PLAAT4: variants seen among roughly 807,000 people sequenced by gnomAD.
The protein encoded by PLAAT4 is HRAS-like suppressor 4.
A neutral mutation model predicts 14.1 loss-of-function variants in PLAAT4; 12 were observed. The ratio of observed to expected loss-of-function variants is 0.85; its 90% CI spans 0.54 to 1.37. PLAAT4 has a LOEUF of 1.37. Among genes scored for constraint, PLAAT4 ranks in the 40% most tolerant of loss-of-function variants. PLAAT4 has a pLI of 0.00. For synonymous variants in PLAAT4, 77 were observed against 79.8 expected (o/e 0.96, Z 0.19); for missense variants, 163 against 211.7 (o/e 0.77, Z 1.43).
chr11:63,544,003 T>G (rs2134359368), intron 2 of PLAAT4, among the ~76,000 whole-genome samples: 1 of 152,294 alleles, frequency 6.6e-6, no homozygotes, highest in South Asian at 2.1e-4. Flanking sequence ...GATGATAATA[T>G]TTTCCTTGAA....
chr11:63,541,211 A>C (rs954708076), intron 2 of PLAAT4, among the ~76,000 whole-genome samples: 5 of 118,006 alleles, frequency 4.2e-5, no homozygotes, highest in Non-Finnish European at 7.3e-5. Flanking sequence ...TTTTTTTTTT[A>C]AGACAGAGTC....
chr11:63,545,933 T>G (rs2017361327), intron 3 of PLAAT4, among the ~76,000 whole-genome samples: 1 of 151,542 alleles, frequency 6.6e-6, no homozygotes, highest in South Asian at 2.1e-4. Flanking sequence ...CACCAAGAAG[T>G]GGTCACAGCC....
At chr11:63,539,720 G>A in intron 2 of PLAAT4, 96 bp downstream of exon 2, 1 of 905,040 alleles carries the variant, frequency 1.1e-6, no homozygotes, top group Non-Finnish European at 1.6e-6. Context: ...CCAGCACTTT[G>A]AGAGGCCGAG....
intron 2 of PLAAT4, among the ~76,000 whole-genome samples, chr11:63,543,570 G>T (rs1043142196): frequency 5.3e-5 from 8 of 152,228 alleles, no homozygotes; most frequent in Non-Finnish European, 1.2e-4. Flanking sequence ...CTCCCAAAGT[G>T]CTGGGATTAC....
intron 3 of PLAAT4, 93 bp downstream of exon 3, chr11:63,544,982 C>A: frequency 6.4e-7 from 1 of 1,567,174 alleles, no homozygotes; most frequent in Non-Finnish European, 8.8e-7. Context: ...GATGCAAATG[C>A]AGCCTCTTAG....
In PLAAT4 at chr11:63,541,018, T is replaced by G. The variant is rs546814319; in HGVS notation, c.118+1394T>G. 4.5e-4 allele frequency among the ~76,000 whole-genome samples: 68 copies of G among 152,308 alleles called. No individual in the cohort carries two copies. The South Asian group carries it at 0.014, about 31-fold the overall frequency. Reference sequence around the variant, plus strand: ...ACTATCAGGGCAAGACATTTGCATCTTATCAGTTTTCTCCAAGCCATCATC... The same window carrying G: ...ACTATCAGGGCAAGACATTTGCATCGTATCAGTTTTCTCCAAGCCATCATC... On this transcript the variant is annotated intron_variant, in intron 2 of 3. Transcript: ENST00000255688.
chr11:63,543,987 A>T (rs1304540894), intron 2 of PLAAT4, among the ~76,000 whole-genome samples: 1 of 152,202 alleles, frequency 6.6e-6, no homozygotes, highest in Non-Finnish European at 1.5e-5. Context: ...TTGGTTTTTA[A>T]ATTGAGATGA....
At chr11:63,538,918 T>G (rs1181570873) in intron 1 of PLAAT4, among the ~76,000 whole-genome samples, 1 of 152,146 alleles carries the variant, frequency 6.6e-6, no homozygotes, top group Non-Finnish European at 1.5e-5. Flanking sequence ...CCCTCAGTGC[T>G]GGGAGCTGGG....
intron 3 of PLAAT4, 144 bp from the exon 4 acceptor site, chr11:63,546,005 C>A (rs1418896615): frequency 2.8e-6 from 2 of 724,090 alleles, no homozygotes; most frequent in Admixed American, 2.3e-5. Flanking sequence ...TCTGAGCCAG[C>A]CAGCTGGGAG....
chr11:63,542,941 G>A (rs1327982104), intron 2 of PLAAT4, among the ~76,000 whole-genome samples: 1 of 152,160 alleles, frequency 6.6e-6, no homozygotes, highest in Non-Finnish European at 1.5e-5. Flanking sequence ...GGGGAAACCT[G>A]ATAATGAATT....
chr11:63,541,833 A>G (rs1447927982), intron 2 of PLAAT4, among the ~76,000 whole-genome samples: 4 of 152,174 alleles, frequency 2.6e-5, no homozygotes, highest in Admixed American at 6.5e-5. Context: ...TTTAGCACAT[A>G]TATCCAATTA....
intron 1 of PLAAT4, among the ~76,000 whole-genome samples, chr11:63,538,810 G>A (rs1380486690): frequency 1.3e-5 from 2 of 152,146 alleles, no homozygotes; most frequent in Non-Finnish European, 2.9e-5. Context: ...TTCCCCATCT[G>A]TGCAATGGGA....
At chr11:63,542,853 A>T (rs1252182338) in intron 2 of PLAAT4, among the ~76,000 whole-genome samples, 1 of 152,210 alleles carries the variant, frequency 6.6e-6, no homozygotes, top group Non-Finnish European at 1.5e-5. Flanking sequence ...ACAAGATCTA[A>T]CACTAAGCTT....
At chr11:63,541,909 C>T (rs2134357921) in intron 2 of PLAAT4, among the ~76,000 whole-genome samples, 1 of 152,198 alleles carries the variant, frequency 6.6e-6, no homozygotes, top group African/African-American at 2.4e-5. Context: ...ACAAAAAACA[C>T]ATTATGAATA....
intron 1 of PLAAT4, 95 bp from the exon 2 acceptor site, chr11:63,539,421 C>T (rs2017302568): frequency 2.0e-6 from 2 of 981,122 alleles, no homozygotes; most frequent in Non-Finnish European, 3.3e-6. Flanking sequence ...TGAACATCAG[C>T]AAGGCGTCTC....
intron 2 of PLAAT4, among the ~76,000 whole-genome samples, chr11:63,542,070 A>T (rs1223243307): frequency 2.0e-5 from 3 of 151,960 alleles, no homozygotes; most frequent in African/African-American, 7.3e-5. Context: ...AAAGCTCCTG[A>T]CTCCTTTTAA....
intron 2 of PLAAT4, 145 bp from the exon 3 acceptor site, chr11:63,544,476 T>G: frequency 9.4e-7 from 1 of 1,058,800 alleles, no homozygotes; most frequent in Non-Finnish European, 1.4e-6. Context: ...TGAGACTCCA[T>G]CAAAATAAAA....
At position 63,539,557 on chromosome 11, in the gene PLAAT4, C is replaced by A. The variant is rs1590663198; in HGVS notation, c.51C>A (p.Phe17Leu). The part of the protein sequence containing the change: ...EPKPGDLIEI[F>L]RLGYEHWALY... ...AACCTGGAGACCTGATTGAGATTTT[C>A]CGCCTTGGCTATGAGCACTGGGCCC... The change falls in exon 2 of 4, where the codon TTC (phenylalanine) becomes TTA (leucine). Residue 17 changes from phenylalanine (F) to leucine (L), a missense_variant. Coordinates refer to ENST00000255688, the MANE Select transcript of PLAAT4 (RefSeq NM_004585.5). The A allele has an allele frequency of 6.2e-7, 1 of 1,614,138 alleles. No homozygotes were observed. Among genetic ancestry groups the A allele is most frequent in the South Asian group, 1.1e-5 (1 of 91,086 alleles).
chr11:63,544,660 T>C lies in PLAAT4; in HGVS notation c.158T>C (p.Val53Ala). The C allele has an allele frequency of 6.2e-7, 1 of 1,614,134 alleles. No homozygotes were observed. Among genetic ancestry groups the C allele is most frequent in the East Asian group, 2.2e-5 (1 of 44,878 alleles). Residue 53 changes from valine to alanine, a missense_variant, in exon 3 of 4, where the codon GTC becomes GCC. Physicochemically the swap from Val to Ala is moderately conservative, Grantham distance 64 (BLOSUM62 0). Transcript: ENST00000255688. ...GCTGGCTCCTCCAGTGTCTTCTCAG[T>C]CCTGAGCAACAGTGCAGAGGTGAAA... is the stretch of plus-strand genomic sequence containing the variant. ...PGAGSSSVFS[V>A]LSNSAEVKRE...
Sources: allele counts gnomAD v4.1 joint callset (sites outside exome capture counted in the v4.1 genomes callset), GRCh38; gene constraint gnomAD v4.1.1; transcripts MANE v1.5; gene names NCBI Gene and HGNC (gene_info 2026-07-23, HGNC 2026-07-21).